Variants in PPP1R21 observed in about 807,000 individuals in gnomAD.
PPP1R21 encodes protein phosphatase 1 regulatory subunit 21.
In PPP1R21, 85 loss-of-function variants were observed where a neutral mutation model predicts 112.8. That is an observed-to-expected ratio of 0.75 (90% CI 0.63 to 0.90). The LOEUF (loss-of-function observed/expected upper bound fraction) is 0.90, where lower values mean the gene tolerates loss of function less well. PPP1R21 is among the 40% of genes least tolerant of loss of function. PPP1R21 has a pLI of 0.00. For missense variants in PPP1R21, 1,199 were observed against 901.5 expected (o/e 1.33, Z -4.23); for synonymous variants, 381 against 322.3 (o/e 1.18, Z -1.95).
At chr2:48,511,820 A>G (rs1670656607) in intron 21 of PPP1R21, among the ~76,000 whole-genome samples, 1 of 152,000 alleles carries the variant, frequency 6.6e-6, no homozygotes, top group Non-Finnish European at 1.5e-5. Flanking sequence ...ACAGCAAGCT[A>G]TGATTGTGCC....
intron 6 of PPP1R21, 145 bp from the exon 7 acceptor site, chr2:48,460,993 C>T (rs968906712): frequency 1.0e-5 from 14 of 1,350,400 alleles, no homozygotes; most frequent in Non-Finnish European, 1.3e-5. Context: ...TTATCTTCCT[C>T]TTTTAACAAC....
chr2:48,474,401 C>A (rs1018120610), intron 11 of PPP1R21, among the ~76,000 whole-genome samples: 3 of 152,148 alleles, frequency 2.0e-5, no homozygotes, highest in African/African-American at 7.2e-5. Flanking sequence ...AGAAAAAGAA[C>A]ATTAGAAATA....
At chr2:48,458,048 T>C (rs773876299) in intron 3 of PPP1R21, 78 bp from the exon 4 acceptor site, 1 of 912,542 alleles carries the variant, frequency 1.1e-6, no homozygotes, top group Non-Finnish European at 1.8e-6. Context: ...GCTTCTAAGA[T>C]GATAGAGAAT....
intron 13 of PPP1R21, among the ~76,000 whole-genome samples, chr2:48,481,250 A>G (rs1668998290): frequency 6.6e-6 from 1 of 152,200 alleles, no homozygotes; most frequent in Non-Finnish European, 1.5e-5. Context: ...TGGCCTCCCA[A>G]AGTGCTGGGA....
At chr2:48,449,413 T>C (rs1667383749) in intron 1 of PPP1R21, among the ~76,000 whole-genome samples, 1 of 152,236 alleles carries the variant, frequency 6.6e-6, no homozygotes, top group African/African-American at 2.4e-5. Flanking sequence ...GTTAAGTGAA[T>C]TTCCCAAGTT....
chr2:48,504,548 G>A (rs1266614951), intron 17 of PPP1R21, among the ~76,000 whole-genome samples: 3 of 152,026 alleles, frequency 2.0e-5, no homozygotes, highest in Non-Finnish European at 4.4e-5. Context: ...GGCTGAGGCG[G>A]GAGAATTGCT....
intron 2 of PPP1R21, among the ~76,000 whole-genome samples, chr2:48,452,057 A>T (rs1015150805): frequency 6.6e-6 from 1 of 152,258 alleles, no homozygotes; most frequent in Admixed American, 6.5e-5. Context: ...AAGATGATTA[A>T]AAAAGAAGCT....
intron 1 of PPP1R21, among the ~76,000 whole-genome samples, chr2:48,446,892 A>G (rs894671142): frequency 3.9e-5 from 6 of 152,044 alleles, no homozygotes; most frequent in African/African-American, 1.4e-4. Context: ...CTGGGATTAC[A>G]TGCGCCTGCC....
intron 21 of PPP1R21, among the ~76,000 whole-genome samples, chr2:48,513,259 C>T (rs986894595): frequency 2.0e-5 from 3 of 151,634 alleles, no homozygotes; most frequent in African/African-American, 7.3e-5. Context: ...GGCTGGAGTG[C>T]AGTGGTGAGA....
At chr2:48,466,286 A>T (rs1293341435) in intron 9 of PPP1R21, among the ~76,000 whole-genome samples, 4 of 151,396 alleles carry the variant, frequency 2.6e-5, no homozygotes, top group Non-Finnish European at 5.9e-5. Flanking sequence ...ATCTTGGTTC[A>T]CTGCAGCCTC....
At position 48,495,725 on chromosome 2, in the gene PPP1R21, G is replaced by A. The variant is rs144544742; in HGVS notation, c.1646G>A (p.Arg549His). The A allele has an allele frequency of 7.1e-5, 114 of 1,611,996 alleles. No homozygotes were observed. The highest frequency in any genetic ancestry group is 1.4e-4 in the South Asian group (13 of 91,054). ...TATGAAGAAGCACTGGCAAACCGCC[G>A]CATCCTTCTCAGCTCTACTGAAAGT... ...VPYEEALANRRILLSSTESRE... is the reference protein window; with the variant it reads ...VPYEEALANRHILLSSTESRE... Residue 549 changes from arginine (R) to histidine (H), a missense_variant, in exon 16 of 22, where the codon CGC becomes CAC. Physicochemically the swap from Arg to His is conservative, Grantham distance 29. Transcript: ENST00000294952.
intron 14 of PPP1R21, among the ~76,000 whole-genome samples, chr2:48,490,218 C>CAAAAAAAAAAAAAAAAAA (rs70943343): frequency 2.1e-5 from 2 of 93,950 alleles, no homozygotes; most frequent in Non-Finnish European, 4.1e-5. Context: ...GACGCCGACT[C>CAAAAAAAAAAAAAAAAAA]AAAAAAAAAA....
chr2:48,480,151 G>A (rs962515150), intron 13 of PPP1R21, 135 bp downstream of exon 13: 4 of 675,352 alleles, frequency 5.9e-6, no homozygotes, highest in Admixed American at 2.3e-5. Context: ...CTTATGTTGA[G>A]TGCACAGCTC....
intron 18 of PPP1R21, among the ~76,000 whole-genome samples, chr2:48,506,716 C>A (rs1670394921): frequency 6.6e-6 from 1 of 152,080 alleles, no homozygotes; most frequent in Non-Finnish European, 1.5e-5. Flanking sequence ...GAGGCCAAGG[C>A]AGGCGGATCA....
chr2:48,506,661 G>A (rs2103663257), intron 18 of PPP1R21, among the ~76,000 whole-genome samples: 1 of 152,244 alleles, frequency 6.6e-6, no homozygotes, highest in African/African-American at 2.4e-5. Flanking sequence ...TTGTTAGTAT[G>A]TTGGGTGGGC....
chr2:48,458,484 C>G (rs1284426791), intron 4 of PPP1R21, among the ~76,000 whole-genome samples: 2 of 151,916 alleles, frequency 1.3e-5, no homozygotes, highest in Non-Finnish European at 2.9e-5. Flanking sequence ...CAGAAATATA[C>G]TGAGCATTAT....
intron 20 of PPP1R21, among the ~76,000 whole-genome samples, chr2:48,510,748 C>T (rs1366031861): frequency 1.3e-5 from 2 of 152,156 alleles, no homozygotes; most frequent in Non-Finnish European, 2.9e-5. Context: ...TGTAGGCCAT[C>T]GAGGCATAGG....
intron 2 of PPP1R21, among the ~76,000 whole-genome samples, chr2:48,451,314 C>T (rs1667459229): frequency 6.6e-6 from 1 of 152,200 alleles, no homozygotes; most frequent in Admixed American, 6.5e-5. Context: ...TTGTCTAATG[C>T]ATTACTCCTG....
intron 9 of PPP1R21, among the ~76,000 whole-genome samples, chr2:48,470,776 G>T (rs1322816455): frequency 6.6e-6 from 1 of 152,130 alleles, no homozygotes; most frequent in South Asian, 2.1e-4. Flanking sequence ...AGGTTCTAAT[G>T]CAGTATTCGC....
Sources: allele counts gnomAD v4.1 joint callset (sites outside exome capture counted in the v4.1 genomes callset), GRCh38; gene constraint gnomAD v4.1.1; transcripts MANE v1.5; gene names NCBI Gene and HGNC (gene_info 2026-07-23, HGNC 2026-07-21).